Variants in FRMPD4 observed in about 807,000 individuals in gnomAD.
FRMPD4 encodes the protein FERM and PDZ domain-containing protein 4.
FRMPD4 carries 22 observed loss-of-function variants against 94.1 expected under a neutral mutation model. The ratio of observed to expected loss-of-function variants is 0.23; its 90% CI spans 0.17 to 0.33. FRMPD4 has a LOEUF of 0.33. Among genes scored for constraint, FRMPD4 ranks in the 10% least tolerant of loss-of-function variants. FRMPD4 has a pLI of 1.00. For synonymous variants in FRMPD4, 631 were observed against 548.6 expected (o/e 1.15, Z -2.10); for missense variants, 1,111 against 1,339.9 (o/e 0.83, Z 2.67).
At chrX:12,487,837 G>A (rs192839890) in intron 1 of FRMPD4, among the ~76,000 whole-genome samples, 1 of 112,100 alleles carries the variant, frequency 8.9e-6, no homozygotes, top group East Asian at 2.8e-4. Context: ...GATGGGGAGA[G>A]ACAATGGTCA....
chrX:12,306,254 C>T (rs1194881337), intron 1 of FRMPD4, among the ~76,000 whole-genome samples: 2 of 111,464 alleles, frequency 1.8e-5, no homozygotes, highest in Non-Finnish European at 3.8e-5. Context: ...CCTTATGTTT[C>T]TCAAAGCAGT....
At chrX:11,956,493 T>C (rs1207544102) in intron 3 of FRMPD4, among the ~76,000 whole-genome samples, 1 of 112,113 alleles carries the variant, frequency 8.9e-6, no homozygotes, top group Non-Finnish European at 1.9e-5. Context: ...CTCACTTTAT[T>C]GTAAGTATGG....
chrX:12,095,288 G>C (rs1026536622), intron 3 of FRMPD4, among the ~76,000 whole-genome samples: 2 of 108,637 alleles, frequency 1.8e-5, no homozygotes, highest in African/African-American at 3.4e-5. Context: ...TGTGGTGGGA[G>C]GATCACTGGA....
chrX:12,285,532 C>G (rs1345280841), intron 1 of FRMPD4, among the ~76,000 whole-genome samples: 1 of 110,962 alleles, frequency 9.0e-6, no homozygotes, highest in Non-Finnish European at 1.9e-5. Flanking sequence ...GCTGGGGAAA[C>G]TCAGGCAGGT....
intron 5 of FRMPD4, among the ~76,000 whole-genome samples, chrX:12,678,348 C>T (rs1203913820): frequency 8.9e-6 from 1 of 112,434 alleles, no homozygotes; most frequent in South Asian, 3.7e-4. Context: ...AGGGGAATTT[C>T]TGGGTTACTC....
intron 1 of FRMPD4, among the ~76,000 whole-genome samples, chrX:12,368,897 C>T (rs1456138026): frequency 9.0e-6 from 1 of 111,471 alleles, no homozygotes; most frequent in Non-Finnish European, 1.9e-5. Context: ...CAAAAACAAA[C>T]AAAAACCCAT....
At chrX:11,958,245 A>G (rs1032524566) in intron 3 of FRMPD4, among the ~76,000 whole-genome samples, 1 of 111,923 alleles carries the variant, frequency 8.9e-6, no homozygotes, top group African/African-American at 3.2e-5. Context: ...CAAATTGAAT[A>G]TTCTAGCAGG....
chrX:12,646,263 G>C (rs1420826640), intron 4 of FRMPD4, among the ~76,000 whole-genome samples: 1 of 111,967 alleles, frequency 8.9e-6, no homozygotes, highest in Non-Finnish European at 1.9e-5. Context: ...AATGCAGACT[G>C]TAAGTCCTAT....
At chrX:12,131,673 A>G (rs2055553555) in intron 3 of FRMPD4, among the ~76,000 whole-genome samples, 1 of 111,658 alleles carries the variant, frequency 9.0e-6, no homozygotes, top group Non-Finnish European at 1.9e-5. Context: ...AATTTGAGAC[A>G]TTTTTATCCC....
intron 3 of FRMPD4, among the ~76,000 whole-genome samples, chrX:11,930,172 A>G (rs2147351445): frequency 9.3e-6 from 1 of 107,721 alleles, no homozygotes; most frequent in East Asian, 3.0e-4. Flanking sequence ...AGACATGTGA[A>G]AAAGCACAAT....
chrX:12,170,382 T>C (rs1369848638), intron 1 of FRMPD4, among the ~76,000 whole-genome samples: 1 of 110,705 alleles, frequency 9.0e-6, no homozygotes, highest in East Asian at 2.8e-4. Flanking sequence ...ATCTTTAAAA[T>C]CCAGTAGATA....
At chrX:12,134,418 T>A (rs962218062), upstream of FRMPD4, among the ~76,000 whole-genome samples, 7 of 112,320 alleles carry the variant, frequency 6.2e-5, no homozygotes, top group Non-Finnish European at 1.3e-4. Flanking sequence ...TCCATAAATA[T>A]TTGCTGATTG....
intron 2 of FRMPD4, among the ~76,000 whole-genome samples, chrX:12,546,177 C>CTTTTTTTTTTTTTTTTTTTT (rs11321204): frequency 1.1e-5 from 1 of 91,941 alleles, no homozygotes. Flanking sequence ...TGCCAACTGT[C>CTTTTTTTTTTTTTTTTTTTT]TTTTTTTTTT....
chrX:12,293,783 T>C (rs2054726936), intron 1 of FRMPD4, among the ~76,000 whole-genome samples: 1 of 112,670 alleles, frequency 8.9e-6, no homozygotes, highest in Non-Finnish European at 1.9e-5. Context: ...AACACGGGGA[T>C]TGTTTTACAA....
At chrX:12,156,259 G>A (rs148933846) in intron 1 of FRMPD4, among the ~76,000 whole-genome samples, 1,952 of 111,188 alleles carry the variant, frequency 0.018, 49 homozygotes, top group African/African-American at 0.06. Flanking sequence ...TATCAATTAG[G>A]GTCTATTTCT....
At chrX:12,564,422 T>G (rs1476340552) in intron 2 of FRMPD4, among the ~76,000 whole-genome samples, 1 of 112,090 alleles carries the variant, frequency 8.9e-6, no homozygotes, top group Non-Finnish European at 1.9e-5. Context: ...TGATGACACA[T>G]AAGCCAGTAG....
chrX:12,138,872 G>A lies in FRMPD4; in HGVS notation c.-100G>A, dbSNP rs868781248. 9.1e-6 allele frequency: 6 copies of A among 661,862 alleles called. No homozygotes were observed. The East Asian group carries it at 1.7e-4, about 18-fold the overall frequency. 54.5% of individuals were successfully genotyped at this position (661,862 alleles called of 1,213,427 possible). ...CCGCTGTCGCCGCGACTCGAGCCCC[G>A]GGCGCACTGAGGTCTTGGCCATGGG... On this transcript the variant is annotated 5_prime_UTR_variant, in exon 1 of 17. Transcript: ENST00000675598.
intron 3 of FRMPD4, among the ~76,000 whole-genome samples, chrX:12,003,297 G>T (rs1392616229): frequency 8.9e-6 from 1 of 111,874 alleles, no homozygotes; most frequent in Non-Finnish European, 1.9e-5. Flanking sequence ...AGGATTAATA[G>T]AGCCAGTTAC....
rs952986097 is a variant in FRMPD4 at position 12,661,946 on chromosome X, G to T, written c.423-12917G>T. On this transcript the variant is annotated intron_variant, in intron 4 of 16. Coordinates refer to ENST00000675598, the MANE Select transcript of FRMPD4 (RefSeq NM_001368397.1). ...CTAGGCTGACGCTACGTTATGGCTT[G>T]TTATCAAATCTGAAAAATCTCAGTG... 2.7e-5 allele frequency among the ~76,000 whole-genome samples: 3 copies of T among 112,049 alleles called. No homozygotes were observed. In the Admixed American group the frequency reaches 2.8e-4, roughly 11 times the overall value.
Sources: allele counts gnomAD v4.1 joint callset (sites outside exome capture counted in the v4.1 genomes callset), GRCh38; gene constraint gnomAD v4.1.1; transcripts MANE v1.5; gene names NCBI Gene and HGNC (gene_info 2026-07-23, HGNC 2026-07-21).